The following SAP30L variants were observed in gnomAD, a reference collection of about 807,000 sequenced individuals.
SAP30L encodes histone deacetylase complex subunit SAP30L.
SAP30L carries 10 observed loss-of-function variants against 22.3 expected under a neutral mutation model. That is an observed-to-expected ratio of 0.45 (90% CI 0.28 to 0.76). SAP30L has a LOEUF of 0.76. Among genes scored for constraint, SAP30L ranks in the 30% least tolerant of loss-of-function variants. The pLI is 0.14. For missense variants in SAP30L, 206 were observed against 237.9 expected (o/e 0.87, Z 0.88); for synonymous variants, 91 against 94.1 (o/e 0.97, Z 0.19).
intron 1 of SAP30L, 24 bp from the exon 2 acceptor site, chr5:154,451,067 G>C: frequency 3.1e-6 from 5 of 1,613,752 alleles, no homozygotes; most frequent in Non-Finnish European, 4.2e-6. Flanking sequence ...GGCCAACTCT[G>C]ACTTTGATTT....
chr5:154,449,157 C>CA (rs1356425209), intron 1 of SAP30L, among the ~76,000 whole-genome samples: 1 of 152,198 alleles, frequency 6.6e-6, no homozygotes, highest in Non-Finnish European at 1.5e-5. Flanking sequence ...ACCAGAAATT[C>CA]AATTCAGGCT....
rs981705324 is a variant in SAP30L, at chr5:154,451,190, G to A, written c.301G>A (p.Glu101Lys). ...AAGTGACGATGGCGGAGATTCTCCC[G>A]AGCACGACACTGACATTCCTGAGGT... The part of the protein sequence containing the change: ...KTSDDGGDSP[E>K]HDTDIPEVDL... The change falls in exon 2 of 4, where the codon GAG (glutamate) becomes AAG (lysine). Residue 101 changes from glutamate to lysine, a missense_variant. Around this residue, in one of 2 missense-constraint regions of SAP30L, gnomAD observed 136 missense variants for 187.4 expected, o/e 0.73. Coordinates refer to ENST00000297109, the MANE Select transcript of SAP30L (RefSeq NM_024632.6). 9 of 1,613,956 alleles carry A rather than the reference G, an allele frequency of 5.6e-6. No individual in the cohort carries two copies. Among genetic ancestry groups the A allele is most frequent in the Non-Finnish European group, 7.6e-6 (9 of 1,180,014 alleles).
rs934713651 is a variant in SAP30L, at chr5:154,458,505, A to G, written c.*2477A>G. ...GGAGCAGTGGGGTGTGGGGAAAGCAATGTTCATCTTGGCTGCTCCATTTTT... is the reference window on the plus strand; with the variant it reads ...GGAGCAGTGGGGTGTGGGGAAAGCAGTGTTCATCTTGGCTGCTCCATTTTT... On this transcript the variant is annotated 3_prime_UTR_variant, in exon 4 of 4. Coordinates refer to ENST00000297109, the MANE Select transcript of SAP30L (RefSeq NM_024632.6). The G allele has an allele frequency of 1.3e-5, 2 of 152,174 alleles. No individual in the cohort carries two copies. The highest frequency in any genetic ancestry group is 2.4e-5 in the African/African-American group (1 of 41,404). 9.4% of individuals were successfully genotyped at this position (152,174 alleles called of 1,614,324 possible).
chr5:154,459,711 C>T lies in SAP30L; in HGVS notation c.*3683C>T, dbSNP rs569165629. 1.3e-5 allele frequency: 2 copies of T among 152,284 alleles called. No individual in the cohort carries two copies. Among genetic ancestry groups the T allele is most frequent in the African/African-American group, 4.8e-5 (2 of 41,550 alleles). 9.4% of individuals were successfully genotyped at this position (152,284 alleles called of 1,614,324 possible). Reference sequence around the variant, plus strand: ...AGACAGATGAGGACTCAGTTCTGTGCTTGCCCCACAAAAACGGATGCTCAC... The same window carrying T: ...AGACAGATGAGGACTCAGTTCTGTGTTTGCCCCACAAAAACGGATGCTCAC... On this transcript the variant is annotated 3_prime_UTR_variant, in exon 4 of 4. Transcript: ENST00000297109.
chr5:154,455,501 G>A (rs1224709044), intron 3 of SAP30L, among the ~76,000 whole-genome samples: 1 of 152,116 alleles, frequency 6.6e-6, no homozygotes, highest in Non-Finnish European at 1.5e-5. Context: ...GAGCCACCAC[G>A]CCTGCCCCAC....
rs547392020 is a variant in SAP30L, at chr5:154,457,348, A to G, written c.*1320A>G. 1 of 152,290 alleles carries G rather than the reference A, an allele frequency of 6.6e-6. No individual in the cohort carries two copies. Among genetic ancestry groups the G allele is most frequent in the African/African-American group, 2.4e-5 (1 of 41,542 alleles). The allele number at this position is 152,290 out of a possible 1,614,324, so 9.4% of individuals were successfully genotyped here. A position where few individuals can be genotyped will look rare whatever the true frequency, so the allele number is the denominator to read the frequency against. On this transcript the variant is annotated 3_prime_UTR_variant, in exon 4 of 4. Transcript: ENST00000297109. ...GAGGGTGGGAGAAAGAAAAGAAAAG[A>G]ATTTGGATTCTAATTTATGACCATC... is the stretch of plus-strand genomic sequence containing the variant.
rs1398613381 is a variant in SAP30L at position 154,456,059 on chromosome 5, T to C, written c.*31T>C. ...AAGCACATCTTAAAGGAATGAAGTG[T>C]AATGCTTGATGCACAGGTGATATCT... On this transcript the variant is annotated 3_prime_UTR_variant, in exon 4 of 4. Transcript: ENST00000297109. 1 of 1,607,132 alleles carries C rather than the reference T, an allele frequency of 6.2e-7. No individual in the cohort carries two copies. The highest frequency in any genetic ancestry group is 8.5e-7 in the Non-Finnish European group (1 of 1,176,764).
rs1582047924 is a variant in SAP30L, at chr5:154,458,615, A to G, written c.*2587A>G. 2 of 152,398 alleles carry G rather than the reference A, an allele frequency of 1.3e-5. No homozygotes were observed. The highest frequency in any genetic ancestry group is 3.9e-4 in the East Asian group (2 of 5,190). The allele number at this position is 152,398 out of a possible 1,614,324, so 9.4% of individuals were successfully genotyped here. A position where few individuals can be genotyped will look rare whatever the true frequency, so the allele number is the denominator to read the frequency against. On this transcript the variant is annotated 3_prime_UTR_variant, in exon 4 of 4. Coordinates refer to ENST00000297109, the MANE Select transcript of SAP30L (RefSeq NM_024632.6). ...CTTTCCTCTTGGTGCTTCTGGGCAA[A>G]ACTGGAATTTGAAATCCAGAACTGG...
chr5:154,455,488 T>C (rs965912717), intron 3 of SAP30L, among the ~76,000 whole-genome samples: 4 of 152,212 alleles, frequency 2.6e-5, no homozygotes, highest in Non-Finnish European at 5.9e-5. Context: ...GGATTATAGG[T>C]GTGAGCCACC....
intron 2 of SAP30L, 197 bp downstream of exon 2, chr5:154,451,410 A>G: frequency 3.3e-6 from 2 of 613,708 alleles, no homozygotes; most frequent in Non-Finnish European, 5.6e-6. Context: ...AGACTGCCCC[A>G]TCATTTTACA....
In SAP30L at chr5:154,459,436, G is replaced by T. The variant is rs1757330142; in HGVS notation, c.*3408G>T. 1 of 152,242 alleles carries T rather than the reference G, an allele frequency of 6.6e-6. No homozygotes were observed. The highest frequency in any genetic ancestry group is 1.5e-5 in the Non-Finnish European group (1 of 68,062). 9.4% of individuals were successfully genotyped at this position (152,242 alleles called of 1,614,324 possible). On this transcript the variant is annotated 3_prime_UTR_variant, in exon 4 of 4. Transcript: ENST00000297109. ...CCATCTTAGTCTCTGCCCCATGGGG[G>T]CCACATGGGACAAGTTATTTTTGGC...
chr5:154,448,734 G>A (rs1164189027), intron 1 of SAP30L, among the ~76,000 whole-genome samples: 1 of 152,174 alleles, frequency 6.6e-6, no homozygotes, highest in East Asian at 1.9e-4. Context: ...GAGCTATGCT[G>A]ATCATTTCAC....
chr5:154,451,096 G>T lies in SAP30L; in HGVS notation c.207G>T (p.Arg69Ser). Residue 69 changes from arginine to serine, a missense_variant, in exon 2 of 4, where the codon AGG becomes AGT. By Grantham distance (110) the Arg-to-Ser change is moderately radical. Transcript: ENST00000297109. ...TTGATTTTTGTCTCCATCAGGTAAG[G>T]CACCTATATATCTGTGATTTTCACA... ...KLKLDIDKSVRHLYICDFHKN... is the reference protein window; with the variant it reads ...KLKLDIDKSVSHLYICDFHKN... 6.2e-7 allele frequency: 1 copy of T among 1,613,970 alleles called. No homozygotes were observed. Among genetic ancestry groups the T allele is most frequent in the Non-Finnish European group, 8.5e-7 (1 of 1,179,954 alleles).
intron 1 of SAP30L, among the ~76,000 whole-genome samples, chr5:154,449,851 A>G (rs942797593): frequency 2.6e-5 from 4 of 152,206 alleles, no homozygotes; most frequent in African/African-American, 9.7e-5. Flanking sequence ...TGGTACATCA[A>G]CATTTTTCGA....
chr5:154,452,915 C>T (rs1757178397), intron 2 of SAP30L, among the ~76,000 whole-genome samples: 1 of 152,048 alleles, frequency 6.6e-6, no homozygotes, highest in South Asian at 2.1e-4. Flanking sequence ...GCATCTCCCT[C>T]CGTATCCCCC....
intron 2 of SAP30L, among the ~76,000 whole-genome samples, chr5:154,452,159 G>T (rs1260812220): frequency 6.6e-6 from 1 of 152,182 alleles, no homozygotes; most frequent in Non-Finnish European, 1.5e-5. Flanking sequence ...TTAGCACTCA[G>T]AGTGAAAATG....
chr5:154,448,093 A>G (rs917930227), intron 1 of SAP30L, among the ~76,000 whole-genome samples: 19 of 148,702 alleles, frequency 1.3e-4, no homozygotes, highest in African/African-American at 4.8e-4. Context: ...CTCCTGCCTC[A>G]GCCTCCTGAA....
intron 1 of SAP30L, among the ~76,000 whole-genome samples, chr5:154,448,697 C>G (rs1198961649): frequency 6.6e-6 from 1 of 152,198 alleles, no homozygotes; most frequent in East Asian, 1.9e-4. Context: ...TTTATTTACC[C>G]ATTGACTGTA....
chr5:154,449,274 A>G (rs1757089692), intron 1 of SAP30L, among the ~76,000 whole-genome samples: 2 of 152,158 alleles, frequency 1.3e-5, no homozygotes, highest in Non-Finnish European at 2.9e-5. Context: ...AGAAAAGTGG[A>G]AGTTGAGAAT....
Sources: gnomAD v4.1 joint callset for allele counts (sites outside exome capture counted in the v4.1 genomes callset) on GRCh38, gnomAD v4.1.1 for gene constraint, gnomAD v4.1.1 regional missense constraint, MANE v1.5 for transcripts, NCBI Gene and HGNC (gene_info 2026-07-23, HGNC 2026-07-21) for gene names.